The following ITGB4 variants were observed in gnomAD, a reference collection of about 807,000 sequenced individuals.
The protein encoded by ITGB4 is integrin subunit beta 4.
ITGB4 carries 159 observed loss-of-function variants against 207.6 expected under a neutral mutation model. The ratio of observed to expected loss-of-function variants is 0.77; its 90% CI spans 0.67 to 0.87. The LOEUF (loss-of-function observed/expected upper bound fraction) is 0.87. Among genes scored for constraint, ITGB4 ranks in the 40% least tolerant of loss-of-function variants. ITGB4 has a pLI of 0.00. For missense variants in ITGB4, 2,278 were observed against 2,546.8 expected (o/e 0.89, Z 2.27); for synonymous variants, 1,020 against 1,062.7 (o/e 0.96, Z 0.78).
intron 1 of ITGB4, among the ~76,000 whole-genome samples, chr17:75,724,226 C>T (rs770402659): frequency 2.0e-5 from 3 of 152,248 alleles, no homozygotes; most frequent in Non-Finnish European, 4.4e-5. Context: ...CCCCTCTCCT[C>T]CCGGCTGTGC....
chr17:75,754,959 C>T (rs375260426), intron 34 of ITGB4, 144 bp downstream of exon 34: 30 of 1,438,852 alleles, frequency 2.1e-5, no homozygotes, highest in Admixed American at 4.1e-5. Flanking sequence ...CACACGTGCA[C>T]ACGCATGCAC....
intron 30 of ITGB4, among the ~76,000 whole-genome samples, chr17:75,751,402 A>C (rs1348379843): frequency 2.0e-5 from 3 of 152,216 alleles, no homozygotes; most frequent in Non-Finnish European, 4.4e-5. Flanking sequence ...GGGAGCTCAC[A>C]CGTGCATGGT....
rs373633358 is a variant in ITGB4 at position 75,740,307 on chromosome 17, T to C, written c.2447-51T>C. On this transcript the variant is annotated intron_variant, in intron 20 of 39. Coordinates refer to ENST00000200181, the MANE Select transcript of ITGB4 (RefSeq NM_000213.5). The surrounding 1 kb of genome is among the most constrained non-coding windows in gnomAD (Gnocchi z 5.9). ...GAGGGATGCTCTGTGGTGCCTGTCA[T>C]GCAGGGGGCTGACCACCTCCATCTC... The C allele has an allele frequency of 4.5e-5, 68 of 1,502,236 alleles. No individual in the cohort carries two copies. In the African/African-American group the frequency reaches 8.4e-4, roughly 18 times the overall value. 93.1% of individuals were successfully genotyped at this position (1,502,236 alleles called of 1,614,324 possible).
chr17:75,757,014 A>T lies in ITGB4; in HGVS notation c.5125A>T (p.Asn1709Tyr). 1 of 1,612,824 alleles carries T rather than the reference A, an allele frequency of 6.2e-7. No homozygotes were observed. Among genetic ancestry groups the T allele is most frequent in the Non-Finnish European group, 8.5e-7 (1 of 1,179,934 alleles). Residue 1709 changes from asparagine to tyrosine, a missense_variant, in exon 38 of 40, where the codon AAC (asparagine) becomes TAC (tyrosine). By Grantham distance (143) the Asn-to-Tyr change is moderately radical. Transcript: ENST00000200181. ...GCTGACCGTGCCGGGCCTCAGCGAG[A>T]ACGTGCCCTACAAGTTCAAGGTGCA... ...SRLTVPGLSE[N>Y]VPYKFKVQAR...
At chr17:75,723,972 C>T (rs561493952) in intron 1 of ITGB4, among the ~76,000 whole-genome samples, 4 of 152,340 alleles carry the variant, frequency 2.6e-5, no homozygotes, top group South Asian at 4.1e-4. Context: ...AACCCACAGC[C>T]GCTGGGGACG....
At chr17:75,726,327 G>A (rs575559451) in intron 2 of ITGB4, among the ~76,000 whole-genome samples, 12 of 152,302 alleles carry the variant, frequency 7.9e-5, no homozygotes, top group African/African-American at 2.2e-4. Context: ...TTGGGAGGCT[G>A]AGGTGGGAGG....
intron 13 of ITGB4, among the ~76,000 whole-genome samples, chr17:75,734,668 A>C (rs553692573): frequency 6.6e-6 from 1 of 152,324 alleles, no homozygotes; most frequent in East Asian, 1.9e-4. Context: ...TATACTTTCC[A>C]AGCCCCTGCT....
intron 27 of ITGB4, 95 bp downstream of exon 27, chr17:75,749,140 G>A: frequency 1.0e-6 from 1 of 961,236 alleles, no homozygotes; most frequent in Non-Finnish European, 1.6e-6. Context: ...TCCAAACACA[G>A]GACGCCCAGG....
rs367733997 is a variant in ITGB4, at chr17:75,742,382, G to A, written c.2675G>A (p.Arg892His). Reference protein sequence around the residue: ...TIVDTVLMAPRSAKPALLKLT... With the variant: ...TIVDTVLMAPHSAKPALLKLT... The stretch of plus-strand genomic sequence containing the variant: ...GTGGACACAGTGCTGATGGCGCCCC[G>A]CTCGGCCAAGCCGGCCCTGCTGAAG... The change falls in exon 24 of 40, where the codon CGC (arginine) becomes CAC (histidine). Residue 892 changes from arginine (R) to histidine (H), a missense_variant. By Grantham distance (29) the Arg-to-His change is conservative. Coordinates refer to ENST00000200181, the MANE Select transcript of ITGB4 (RefSeq NM_000213.5). This position sits in a 1 kb window ranked among gnomAD's most constrained non-coding sequence, Gnocchi z 5.9. The A allele has an allele frequency of 8.2e-5, 133 of 1,613,362 alleles. No individual in the cohort carries two copies. Among genetic ancestry groups the A allele is most frequent in the Middle Eastern group, 1.6e-4 (1 of 6,062 alleles).
chr17:75,751,256 A>C, intron 30 of ITGB4, 145 bp downstream of exon 30: 2 of 995,232 alleles, frequency 2.0e-6, no homozygotes, highest in Non-Finnish European at 3.0e-6. Flanking sequence ...GATAAGCCTG[A>C]GGCATCTTTA....
chr17:75,745,780 G>A (rs190896190), intron 26 of ITGB4, among the ~76,000 whole-genome samples: 349 of 152,180 alleles, frequency 2.3e-3, no homozygotes, highest in South Asian at 6.0e-3. Context: ...CCGGGAGGCC[G>A]AGGCAGGAGA....
Position 75,750,731 on chromosome 17 carries a change from A to C in ITGB4, c.3526A>C (p.Ser1176Arg). 1 of 1,613,540 alleles carries C rather than the reference A, an allele frequency of 6.2e-7. No individual in the cohort carries two copies. The highest frequency in any genetic ancestry group is 8.5e-7 in the Non-Finnish European group (1 of 1,180,016). Reference sequence around the variant, plus strand: ...CGAATCCGAAGCCCACCTGCTCGACAGCAAGGTGCCCTCAGTGGAGCTCAC... The same window carrying C: ...CGAATCCGAAGCCCACCTGCTCGACCGCAAGGTGCCCTCAGTGGAGCTCAC... ...DSESEAHLLD[S>R]KVPSVELTNL... The change falls in exon 29 of 40, where the codon AGC becomes CGC. Residue 1176 changes from serine (S) to arginine (R), a missense_variant. Physicochemically the swap from Ser to Arg is moderately radical, Grantham distance 110. Transcript: ENST00000200181. The surrounding 1 kb of genome is among the most constrained non-coding windows in gnomAD (Gnocchi z 5.5).
intron 15 of ITGB4, 55 bp from the exon 16 acceptor site, chr17:75,736,510 T>C: frequency 6.3e-7 from 1 of 1,593,900 alleles, no homozygotes; most frequent in Non-Finnish European, 8.5e-7. Context: ...GGAGCGGGGG[T>C]CTGGCAGAGG....
intron 18 of ITGB4, among the ~76,000 whole-genome samples, chr17:75,738,849 G>A (rs190678846): frequency 2.6e-5 from 4 of 152,300 alleles, no homozygotes; most frequent in Admixed American, 2.6e-4. Flanking sequence ...ACGGCTGCGC[G>A]TGCCTGTAGT....
At chr17:75,754,101 G>A in intron 33 of ITGB4, 127 bp downstream of exon 33, 1 of 446,160 alleles carries the variant, frequency 2.2e-6, no homozygotes, top group Non-Finnish European at 3.8e-6. Flanking sequence ...CTTGGCGGCT[G>A]GGAGCACAGC....
chr17:75,721,983 A>G (rs1185863907), intron 1 of ITGB4, among the ~76,000 whole-genome samples: 1 of 152,230 alleles, frequency 6.6e-6, no homozygotes, highest in Non-Finnish European at 1.5e-5. Flanking sequence ...GCATCTAATG[A>G]TAAACCAACA....
rs1271715351 is a variant in ITGB4 at position 75,752,289 on chromosome 17, G to A, written c.3909G>A (p.Gly1303=). The A allele has an allele frequency of 2.5e-6, 4 of 1,613,340 alleles. No homozygotes were observed. The highest frequency in any genetic ancestry group is 1.7e-5 in the Admixed American group (1 of 60,038). The change falls in exon 31 of 40, where the codon GGG becomes GGA. Residue 1303 remains glycine, a synonymous_variant. Coordinates refer to ENST00000200181, the MANE Select transcript of ITGB4 (RefSeq NM_000213.5). ...PYRYTVKARN[G]AGWGPEREAI... ...GCTACACGGTGAAGGCGCGCAACGG[G>A]GCCGGCTGGGGGCCTGAGCGGGAGG... is the stretch of plus-strand genomic sequence containing the variant.
rs8078247 is a variant in ITGB4 at position 75,756,928 on chromosome 17, A to G, written c.5054-15A>G. On this transcript the variant is annotated splice_polypyrimidine_tract_variant and intron_variant, in intron 37 of 39. Transcript: ENST00000200181. ...AGAGGGGGCCGCAGACGCTGAAGGC[A>G]TCTTCCCTGCTCAGGGCCAGCCACC... is the stretch of plus-strand genomic sequence containing the variant. The G allele has an allele frequency of 0.028, 45,026 of 1,612,286 alleles. 9,739 individuals are homozygous for G. In the African/African-American group the frequency reaches 0.5, roughly 18 times the overall value.
chr17:75,751,244 C>A, intron 30 of ITGB4, 133 bp downstream of exon 30: 1 of 1,084,754 alleles, frequency 9.2e-7, no homozygotes, highest in Non-Finnish European at 1.4e-6. Flanking sequence ...TCCTGGTCAG[C>A]GGATAAGCCT....
Sources: allele counts gnomAD v4.1 joint callset (sites outside exome capture counted in the v4.1 genomes callset), GRCh38; gene constraint gnomAD v4.1.1; non-coding constraint Gnocchi (gnomAD v3.1); transcripts MANE v1.5; gene names NCBI Gene and HGNC (gene_info 2026-07-23, HGNC 2026-07-21).